UBE2D2: variants seen among roughly 807,000 people sequenced by gnomAD.
UBE2D2 encodes the protein ubiquitin-conjugating enzyme E2 D2.
A neutral mutation model predicts 24.2 loss-of-function variants in UBE2D2; 2 were observed. The ratio of observed to expected loss-of-function variants is 0.08; its 90% CI spans 0.03 to 0.26. The LOEUF is 0.26. Ranked by LOEUF, UBE2D2 falls within the 10% of genes least tolerant of loss-of-function variation. The pLI, the probability that UBE2D2 is intolerant of heterozygous loss-of-function variation, is 1.00. For missense variants in UBE2D2, 44 were observed against 177.6 expected, an observed-to-expected ratio of 0.25 and a Z score of 4.28; for synonymous variants, 58 against 56.5, an observed-to-expected ratio of 1.03 and a Z score of -0.12.
intron 1 of UBE2D2, among the ~76,000 whole-genome samples, chr5:139,527,478 TA>T (rs542914373): frequency 1.4e-3 from 217 of 152,366 alleles, no homozygotes; most frequent in African/African-American, 5.1e-3. Flanking sequence ...TGAAGTTTGC[TA>T]AAAGTTAACA....
intron 1 of UBE2D2, among the ~76,000 whole-genome samples, chr5:139,548,508 C>G (rs1485914103): frequency 6.6e-6 from 1 of 152,034 alleles, no homozygotes; most frequent in Admixed American, 6.6e-5. Flanking sequence ...TCTGGGAACC[C>G]AAAACCCCAG....
At chr5:139,540,407 G>A (rs1039374117) in intron 1 of UBE2D2, among the ~76,000 whole-genome samples, 1 of 151,734 alleles carries the variant, frequency 6.6e-6, no homozygotes, top group African/African-American at 2.4e-5. Context: ...TTAGCTGGGT[G>A]TTGTGGCGGG....
At chr5:139,547,214 C>G (rs1423774507) in intron 1 of UBE2D2, among the ~76,000 whole-genome samples, 5 of 151,878 alleles carry the variant, frequency 3.3e-5, no homozygotes, top group African/African-American at 1.2e-4. Flanking sequence ...TGGCGTGAAC[C>G]TGGGAGGCGG....
intron 5 of UBE2D2, among the ~76,000 whole-genome samples, chr5:139,616,996 A>G (rs1754434376): frequency 6.6e-6 from 1 of 152,158 alleles, no homozygotes; most frequent in Non-Finnish European, 1.5e-5. Context: ...AGCTTGGCCA[A>G]CATGGCAAAA....
In UBE2D2 at chr5:139,578,662, A is replaced by G. The variant is rs372817043; in HGVS notation, c.24+16847A>G. ...GAGATAGGGTCTTGCTGTGTGGCCCAGGCTGCTCTCAAACTCCTGTATTCA... is the reference window on the plus strand; with the variant it reads ...GAGATAGGGTCTTGCTGTGTGGCCCGGGCTGCTCTCAAACTCCTGTATTCA... On this transcript the variant is annotated intron_variant, in intron 1 of 6. Coordinates refer to ENST00000398733, the MANE Select transcript of UBE2D2 (RefSeq NM_003339.3). Among the ~76,000 whole-genome samples, 62 of 152,198 alleles carry G rather than the reference A, an allele frequency of 4.1e-4. No homozygotes were observed. The East Asian group carries it at 9.3e-3, about 23-fold the overall frequency.
chr5:139,540,989 G>A (rs1180582842), intron 1 of UBE2D2, among the ~76,000 whole-genome samples: 1 of 148,456 alleles, frequency 6.7e-6, no homozygotes. Flanking sequence ...GCAAAACTCA[G>A]TCTCAAAAAA....
chr5:139,556,739 C>G (rs1207235806), upstream of UBE2D2, among the ~76,000 whole-genome samples: 3 of 151,182 alleles, frequency 2.0e-5, no homozygotes, highest in Non-Finnish European at 4.4e-5. Context: ...TAACTTTATT[C>G]TAATAAATTG....
At chr5:139,626,696 G>T in intron 6 of UBE2D2, 60 bp from the exon 7 acceptor site, 1 of 1,390,512 alleles carries the variant, frequency 7.2e-7, no homozygotes, top group Non-Finnish European at 1.0e-6. Context: ...ATAATGAATG[G>T]AATCTGTTGC....
chr5:139,615,719 G>A (rs1754407799), intron 5 of UBE2D2, among the ~76,000 whole-genome samples: 1 of 151,708 alleles, frequency 6.6e-6, no homozygotes, highest in Non-Finnish European at 1.5e-5. Flanking sequence ...TTAGGTTTCT[G>A]TATCAATGAA....
intron 1 of UBE2D2, among the ~76,000 whole-genome samples, chr5:139,598,705 C>T (rs781402234): frequency 3.3e-5 from 5 of 150,906 alleles, no homozygotes; most frequent in Non-Finnish European, 2.9e-5. Context: ...GGATTACAGG[C>T]GTGTGCCACC....
At chr5:139,613,539 CTGGAGCT>C (rs1754365950) in intron 2 of UBE2D2, among the ~76,000 whole-genome samples, 1 of 152,154 alleles carries the variant, frequency 6.6e-6, no homozygotes, top group Non-Finnish European at 1.5e-5. Flanking sequence ...AGAAGTATCC[CTGGAGCT>C]TGTAATCAAC....
At chr5:139,544,043 T>C (rs1395972067) in intron 1 of UBE2D2, among the ~76,000 whole-genome samples, 3 of 152,210 alleles carry the variant, frequency 2.0e-5, no homozygotes, top group Admixed American at 6.5e-5. Context: ...GTAAATAATG[T>C]GACAGAGTAT....
chr5:139,545,085 C>T (rs111613415), intron 1 of UBE2D2, among the ~76,000 whole-genome samples: 331 of 152,186 alleles, frequency 2.2e-3, no homozygotes, highest in Non-Finnish European at 3.6e-3. Flanking sequence ...GGCCTGCTTT[C>T]TTAACTCAAC....
intron 1 of UBE2D2, among the ~76,000 whole-genome samples, chr5:139,532,392 C>T (rs1432615032): frequency 6.6e-6 from 1 of 151,294 alleles, no homozygotes; most frequent in African/African-American, 2.4e-5. Context: ...CATTCTGTTG[C>T]CCAGGCTGGA....
At chr5:139,578,077 C>G (rs889693065) in intron 1 of UBE2D2, among the ~76,000 whole-genome samples, 1 of 152,168 alleles carries the variant, frequency 6.6e-6, no homozygotes, top group Non-Finnish European at 1.5e-5. Context: ...TTCACATAGA[C>G]TCTTCCCATC....
upstream of UBE2D2, among the ~76,000 whole-genome samples, chr5:139,557,377 C>T (rs1752993581): frequency 6.6e-6 from 1 of 151,950 alleles, no homozygotes; most frequent in Non-Finnish European, 1.5e-5. Context: ...TCAGGTGATT[C>T]ACCAGCCTCG....
At chr5:139,620,138 G>T (rs9324838) in intron 5 of UBE2D2, among the ~76,000 whole-genome samples, 1 of 152,076 alleles carries the variant, frequency 6.6e-6, no homozygotes, top group African/African-American at 2.4e-5. Flanking sequence ...TAATCCAGTC[G>T]CCTCCCACCA....
intron 1 of UBE2D2, among the ~76,000 whole-genome samples, chr5:139,592,016 A>T (rs1473668011): frequency 6.6e-6 from 1 of 152,006 alleles, no homozygotes; most frequent in African/African-American, 2.4e-5. Context: ...GGCCTGGACA[A>T]CGTGGTGAAA....
At chr5:139,572,447 T>C (rs1326316741) in intron 1 of UBE2D2, among the ~76,000 whole-genome samples, 1 of 151,916 alleles carries the variant, frequency 6.6e-6, no homozygotes, top group East Asian at 1.9e-4. Flanking sequence ...AAAAATTAAA[T>C]TAGCTAGGTG....
Sources: allele counts gnomAD v4.1 joint callset (sites outside exome capture counted in the v4.1 genomes callset), GRCh38; gene constraint gnomAD v4.1.1; transcripts MANE v1.5; gene names NCBI Gene and HGNC (gene_info 2026-07-23, HGNC 2026-07-21).